PREX2: variants seen among roughly 807,000 people sequenced by gnomAD.
The protein encoded by PREX2 is phosphatidylinositol-3,4,5-trisphosphate dependent Rac exchange factor 2.
PREX2 carries 107 observed loss-of-function variants against 203.2 expected under a neutral mutation model. That is an observed-to-expected ratio of 0.53 (90% CI 0.45 to 0.62). The LOEUF (loss-of-function observed/expected upper bound fraction) is 0.62, where lower values mean the gene tolerates loss of function less well. Among genes scored for constraint, PREX2 ranks in the 20% least tolerant of loss-of-function variants. The pLI is 0.00. For synonymous variants in PREX2, 672 were observed against 663.6 expected (o/e 1.01, Z -0.19); for missense variants, 1,777 against 1,955.9 (o/e 0.91, Z 1.72).
At chr8:67,960,130 C>T (rs950034588) in intron 1 of PREX2, among the ~76,000 whole-genome samples, 1 of 152,094 alleles carries the variant, frequency 6.6e-6, no homozygotes, top group Non-Finnish European at 1.5e-5. Context: ...AACCTTCCCT[C>T]TTCCGGGTTC....
intron 21 of PREX2, among the ~76,000 whole-genome samples, chr8:68,096,553 A>G (rs1810080095): frequency 6.6e-6 from 1 of 152,166 alleles, no homozygotes; most frequent in African/African-American, 2.4e-5. Context: ...GGGAAACTGC[A>G]GGCACCCTGT....
intron 31 of PREX2, among the ~76,000 whole-genome samples, chr8:68,127,928 C>A (rs575355605): frequency 6.6e-6 from 1 of 152,154 alleles, no homozygotes; most frequent in South Asian, 2.1e-4. Flanking sequence ...GTCATAAAGG[C>A]AGGCACTATG....
chr8:68,056,946 A>G (rs1808696035), intron 10 of PREX2, among the ~76,000 whole-genome samples: 1 of 152,170 alleles, frequency 6.6e-6, no homozygotes, highest in Non-Finnish European at 1.5e-5. Flanking sequence ...GCTCACTGGG[A>G]TGCCTTTTTA....
chr8:68,001,890 A>T (rs1437976861), intron 1 of PREX2, among the ~76,000 whole-genome samples: 1 of 152,174 alleles, frequency 6.6e-6, no homozygotes, highest in East Asian at 1.9e-4. Context: ...GAGCTAAATG[A>T]TGAGAACACT....
intron 1 of PREX2, among the ~76,000 whole-genome samples, chr8:67,990,016 C>T (rs913625218): frequency 4.0e-5 from 6 of 151,778 alleles, no homozygotes; most frequent in African/African-American, 1.5e-4. Flanking sequence ...AAGACAGTCT[C>T]GCTGTGTTGC....
intron 35 of PREX2, among the ~76,000 whole-genome samples, chr8:68,183,699 C>A (rs1245155636): frequency 6.6e-6 from 1 of 152,068 alleles, no homozygotes; most frequent in Non-Finnish European, 1.5e-5. Flanking sequence ...GGATTTCAAC[C>A]TAGTCAGGTC....
At chr8:68,188,780 C>CA (rs1347614568) in intron 35 of PREX2, among the ~76,000 whole-genome samples, 1 of 152,162 alleles carries the variant, frequency 6.6e-6, no homozygotes, top group Admixed American at 6.5e-5. Context: ...CAATTATCTC[C>CA]ATCTGGCCCC....
intron 8 of PREX2, among the ~76,000 whole-genome samples, chr8:68,052,737 T>G (rs1318438980): frequency 1.3e-5 from 2 of 152,188 alleles, no homozygotes; most frequent in Non-Finnish European, 2.9e-5. Flanking sequence ...ATAAAATAAA[T>G]AAGACATCTT....
In PREX2 at chr8:68,235,948, T is replaced by C. The variant is rs1813257204; in HGVS notation, c.*4570T>C. ...GCTCCTCTCGCTGAGAAGAGATACCTGAAGTCTACTAAGTCTACTAAATGA... is the reference window on the plus strand; with the variant it reads ...GCTCCTCTCGCTGAGAAGAGATACCCGAAGTCTACTAAGTCTACTAAATGA... On this transcript the variant is annotated 3_prime_UTR_variant, in exon 40 of 40. Transcript: ENST00000288368. 6.6e-6 allele frequency: 1 copy of C among 152,184 alleles called. No individual in the cohort carries two copies. Among genetic ancestry groups the C allele is most frequent in the Non-Finnish European group, 1.5e-5 (1 of 68,030 alleles). The allele number at this position is 152,184 out of a possible 1,614,324, so 9.4% of individuals were successfully genotyped here.
rs1338746438 is a variant in PREX2 at position 68,109,538 on chromosome 8, G to A, written c.3061G>A (p.Glu1021Lys). Residue 1021 changes from glutamate (E) to lysine (K), a missense_variant, in exon 25 of 40, where the codon GAA becomes AAA. By Grantham distance (56) the Glu-to-Lys change is moderately conservative. Coordinates refer to ENST00000288368, the MANE Select transcript of PREX2 (RefSeq NM_024870.4). Reference sequence around the variant, plus strand: ...GTATCTGCTAAAAGAAGAAGACTTAGAAACCCAAGACATCTATCAGAAACT... The same window carrying A: ...GTATCTGCTAAAAGAAGAAGACTTAAAAACCCAAGACATCTATCAGAAACT... ...LRYLLKEEDL[E>K]TQDIYQKLLG... 1 of 1,613,920 alleles carries A rather than the reference G, an allele frequency of 6.2e-7. No homozygotes were observed.
At chr8:68,177,608 T>C (rs572731117) in intron 35 of PREX2, among the ~76,000 whole-genome samples, 2 of 152,228 alleles carry the variant, frequency 1.3e-5, no homozygotes, top group African/African-American at 4.8e-5. Flanking sequence ...AAACTCAACA[T>C]CTTTCCATGT....
intron 39 of PREX2, 24 bp from the exon 40 acceptor site, chr8:68,231,309 C>T (rs778973463): frequency 6.4e-7 from 1 of 1,559,840 alleles, no homozygotes. Context: ...AAGTCACTGT[C>T]AAACTTTACC....
intron 35 of PREX2, among the ~76,000 whole-genome samples, chr8:68,165,972 C>G (rs749853733): frequency 2.0e-5 from 3 of 152,156 alleles, no homozygotes; most frequent in Non-Finnish European, 4.4e-5. Flanking sequence ...TTAAAGCATG[C>G]TGTGTAAAAC....
At chr8:68,152,637 G>A (rs548548278) in intron 34 of PREX2, among the ~76,000 whole-genome samples, 1 of 152,232 alleles carries the variant, frequency 6.6e-6, no homozygotes, top group East Asian at 1.9e-4. Flanking sequence ...AAAGAGAGGG[G>A]GAACAAACCA....
At chr8:68,081,398 A>ATTGGG (rs1224082269) in intron 17 of PREX2, among the ~76,000 whole-genome samples, 3 of 151,984 alleles carry the variant, frequency 2.0e-5, no homozygotes, top group African/African-American at 7.3e-5. Context: ...GCAGCCTGGG[A>ATTGGG]TTGGGGACCC....
intron 34 of PREX2, among the ~76,000 whole-genome samples, chr8:68,151,046 C>A (rs1221295420): frequency 6.6e-6 from 1 of 152,094 alleles, no homozygotes; most frequent in Non-Finnish European, 1.5e-5. Flanking sequence ...CTTATAGGGG[C>A]ACCAATCATT....
chr8:68,034,940 A>G (rs1807987565), intron 6 of PREX2, among the ~76,000 whole-genome samples: 1 of 152,170 alleles, frequency 6.6e-6, no homozygotes, highest in Non-Finnish European at 1.5e-5. Flanking sequence ...TTATTTGAGG[A>G]TAAGTGGTTC....
intron 35 of PREX2, among the ~76,000 whole-genome samples, chr8:68,177,425 CA>C (rs1183646341): frequency 6.6e-6 from 1 of 152,066 alleles, no homozygotes; most frequent in African/African-American, 2.4e-5. Flanking sequence ...AAATTAGCCC[CA>C]TGGGGGCACA....
chr8:68,055,684 C>A, intron 9 of PREX2, 146 bp from the exon 10 acceptor site: 1 of 705,354 alleles, frequency 1.4e-6, no homozygotes, highest in Non-Finnish European at 2.3e-6. Context: ...GCTTCTTGAA[C>A]ACCAGGGCAC....
Sources: allele counts gnomAD v4.1 joint callset (sites outside exome capture counted in the v4.1 genomes callset), GRCh38; gene constraint gnomAD v4.1.1; transcripts MANE v1.5; gene names NCBI Gene and HGNC (gene_info 2026-07-23, HGNC 2026-07-21).